Variants in TRIM58 observed in about 807,000 individuals in gnomAD.
TRIM58 encodes tripartite motif containing 58.
TRIM58 carries 38 observed loss-of-function variants against 34.1 expected under a neutral mutation model. The observed-to-expected ratio is 1.12, with a 90% confidence interval of 0.86 to 1.46. The LOEUF is 1.46. TRIM58 is among the 40% of genes most tolerant of loss of function. TRIM58 has a pLI of 0.00. For synonymous variants in TRIM58, 273 were observed against 275.7 expected, an observed-to-expected ratio of 0.99 and a Z score of 0.10; for missense variants, 677 against 642.0, an observed-to-expected ratio of 1.05 and a Z score of -0.59.
At position 247,878,212 on chromosome 1, in the gene TRIM58, A is replaced by T. The variant is rs1243707184; in HGVS notation, c.*1723A>T. The T allele has an allele frequency of 6.9e-6, 1 of 145,568 alleles. No individual in the cohort carries two copies. The highest frequency in any genetic ancestry group is 2.5e-5 in the African/African-American group (1 of 39,856). 9.0% of individuals were successfully genotyped at this position (145,568 alleles called of 1,614,324 possible). A position where few individuals can be genotyped will look rare whatever the true frequency, so the allele number is the denominator to read the frequency against. On this transcript the variant is annotated 3_prime_UTR_variant, in exon 6 of 6. Coordinates refer to ENST00000366481, the MANE Select transcript of TRIM58 (RefSeq NM_015431.4). ...ATAAATAAATAAATAAATAAATATT[A>T]CACAAATGCTAAAATGTTTAAATGG...
intron 3 of TRIM58, among the ~76,000 whole-genome samples, chr1:247,867,506 C>T (rs138725505): frequency 0.011 from 1,722 of 151,850 alleles, 25 homozygotes; most frequent in African/African-American, 0.04. Context: ...CCAGCCTGGC[C>T]AACATGGTGA....
chr1:247,861,278 TAC>T (rs140839343), intron 2 of TRIM58, among the ~76,000 whole-genome samples: 12 of 151,244 alleles, frequency 7.9e-5, no homozygotes, highest in Middle Eastern at 3.4e-3. Context: ...GTGATTCACA[TAC>T]ACACACACAC....
At chr1:247,857,892 C>T (rs551326505) in intron 1 of TRIM58, among the ~76,000 whole-genome samples, 11 of 152,290 alleles carry the variant, frequency 7.2e-5, no homozygotes, top group Non-Finnish European at 1.6e-4. Flanking sequence ...CACCGTCCGC[C>T]CCTCCCCCAA....
chr1:247,857,637 C>T lies in TRIM58; in HGVS notation c.391C>T (p.Pro131Ser). The T allele has an allele frequency of 8.1e-7, 1 of 1,239,160 alleles. No individual in the cohort carries two copies. Among genetic ancestry groups the T allele is most frequent in the Non-Finnish European group, 1.0e-6 (1 of 992,370 alleles). 76.8% of individuals were successfully genotyped at this position (1,239,160 alleles called of 1,614,324 possible). ...CGAGCACAGGACGCACCGCACGGCGCCGCTGCAGGAGGCCGCCGGCAGCTA... is the reference window on the plus strand; with the variant it reads ...CGAGCACAGGACGCACCGCACGGCGTCGCTGCAGGAGGCCGCCGGCAGCTA... ...GPEHRTHRTA[P>S]LQEAAGSYQV... The change falls in exon 1 of 6, where the codon CCG becomes TCG. Residue 131 changes from proline (P) to serine (S), a missense_variant. Transcript: ENST00000366481.
chr1:247,875,793 TAG>T, intron 5 of TRIM58, 105 bp from the exon 6 acceptor site: 1 of 891,670 alleles, frequency 1.1e-6, no homozygotes, highest in African/African-American at 1.7e-5. Context: ...TAGGAGTTAA[TAG>T]AGAGAGAAAA....
At chr1:247,873,067 C>T (rs1659185654) in intron 5 of TRIM58, among the ~76,000 whole-genome samples, 1 of 152,024 alleles carries the variant, frequency 6.6e-6, no homozygotes, top group Non-Finnish European at 1.5e-5. Flanking sequence ...CTTGTCTCTA[C>T]TAAAAATACA....
chr1:247,875,606 C>G (rs890271608), intron 5 of TRIM58, among the ~76,000 whole-genome samples: 1 of 151,950 alleles, frequency 6.6e-6, no homozygotes, highest in Non-Finnish European at 1.5e-5. Context: ...TGAAAGGAAA[C>G]TAAATGATAA....
chr1:247,861,425 C>T (rs1303555686), intron 2 of TRIM58, among the ~76,000 whole-genome samples: 1 of 152,144 alleles, frequency 6.6e-6, no homozygotes, highest in African/African-American at 2.4e-5. Flanking sequence ...GGCAGGAATG[C>T]AGCTTAACAC....
chr1:247,867,933 T>C, intron 4 of TRIM58, 30 bp from the exon 5 acceptor site: 1 of 1,613,370 alleles, frequency 6.2e-7, no homozygotes, highest in Non-Finnish European at 8.5e-7. Context: ...AGAACCCTGC[T>C]GACTTCTGTG....
At chr1:247,874,807 T>C (rs1215426885) in intron 5 of TRIM58, among the ~76,000 whole-genome samples, 4 of 152,156 alleles carry the variant, frequency 2.6e-5, no homozygotes, top group Admixed American at 2.0e-4. Flanking sequence ...GGCCCAAATA[T>C]GGGTGTTGGC....
At chr1:247,873,296 G>A (rs753672239) in intron 5 of TRIM58, among the ~76,000 whole-genome samples, 16 of 152,114 alleles carry the variant, frequency 1.1e-4, no homozygotes, top group Non-Finnish European at 8.8e-5. Flanking sequence ...ATGGACATGC[G>A]CAGTTTGGTT....
At chr1:247,861,725 T>C (rs1173164521) in intron 2 of TRIM58, among the ~76,000 whole-genome samples, 1 of 152,126 alleles carries the variant, frequency 6.6e-6, no homozygotes, top group African/African-American at 2.4e-5. Context: ...TATACAGATA[T>C]TACATAAAGA....
Position 247,857,388 on chromosome 1 carries a change from G to A in TRIM58, c.142G>A (p.Asp48Asn). ...CATCTCCGAGTTCTGCGAGAAGTCG[G>A]ACGGCGCGCAGGGCGGCGTCTACGC... Reference protein sequence around the residue: ...RCISEFCEKSDGAQGGVYACP... With the variant: ...RCISEFCEKSNGAQGGVYACP... The change falls in exon 1 of 6, where the codon GAC (aspartate) becomes AAC (asparagine). Residue 48 changes from aspartate to asparagine, a missense_variant. By Grantham distance (23) the Asp-to-Asn change is conservative (BLOSUM62 1). Coordinates refer to ENST00000366481, the MANE Select transcript of TRIM58 (RefSeq NM_015431.4). 1.3e-6 allele frequency: 2 copies of A among 1,526,064 alleles called. No homozygotes were observed. The highest frequency in any genetic ancestry group is 1.8e-6 in the Non-Finnish European group (2 of 1,135,730). 94.5% of individuals were successfully genotyped at this position (1,526,064 alleles called of 1,614,324 possible). A position where few individuals can be genotyped will look rare whatever the true frequency, so the allele number is the denominator to read the frequency against.
Position 247,879,236 on chromosome 1 carries a change from G to A in TRIM58, c.*2747G>A, listed in dbSNP as rs1186879954. ...TTGCTTAAGCCAGGCATCCGATTGAGTACTTTCTTGATTTCTCCAGCCCAC... is the reference window on the plus strand; with the variant it reads ...TTGCTTAAGCCAGGCATCCGATTGAATACTTTCTTGATTTCTCCAGCCCAC... On this transcript the variant is annotated 3_prime_UTR_variant, in exon 6 of 6. Coordinates refer to ENST00000366481, the MANE Select transcript of TRIM58 (RefSeq NM_015431.4). 2.0e-5 allele frequency among the ~76,000 whole-genome samples: 3 copies of A among 152,180 alleles called. No individual in the cohort carries two copies. The highest frequency in any genetic ancestry group is 6.5e-5 in the Admixed American group (1 of 15,268).
intron 2 of TRIM58, among the ~76,000 whole-genome samples, chr1:247,863,830 A>T (rs1663855345): frequency 6.6e-6 from 1 of 152,242 alleles, no homozygotes; most frequent in Non-Finnish European, 1.5e-5. Context: ...AGATTCAGGT[A>T]GAAATTGGGA....
chr1:247,861,005 T>G (rs886978474), intron 2 of TRIM58, among the ~76,000 whole-genome samples: 4 of 152,222 alleles, frequency 2.6e-5, no homozygotes, highest in Admixed American at 6.5e-5. Context: ...TAGCATCTTA[T>G]ACTGTTGCTA....
chr1:247,861,780 C>T (rs1034281629), intron 2 of TRIM58, among the ~76,000 whole-genome samples: 29 of 151,952 alleles, frequency 1.9e-4, no homozygotes, highest in Non-Finnish European at 2.8e-4. Flanking sequence ...TACTAGATTA[C>T]AATATAGATA....
intron 3 of TRIM58, 68 bp from the exon 4 acceptor site, chr1:247,867,777 G>A: frequency 1.9e-6 from 3 of 1,580,944 alleles, no homozygotes; most frequent in Non-Finnish European, 2.6e-6. Context: ...ATTTTTATGG[G>A]GTCTTCAGTC....
chr1:247,858,232 A>G (rs1305661669), intron 1 of TRIM58, among the ~76,000 whole-genome samples: 1 of 152,128 alleles, frequency 6.6e-6, no homozygotes, highest in Non-Finnish European at 1.5e-5. Flanking sequence ...CTCCATCAGC[A>G]GGGATTTGGG....
Sources: allele counts gnomAD v4.1 joint callset (sites outside exome capture counted in the v4.1 genomes callset), GRCh38; gene constraint gnomAD v4.1.1; transcripts MANE v1.5; gene names NCBI Gene and HGNC (gene_info 2026-07-23, HGNC 2026-07-21).